Variants in PHACTR2 observed in about 807,000 individuals in gnomAD.
The protein encoded by PHACTR2 is chromosome 6 open reading frame 56.
PHACTR2 carries 30 observed loss-of-function variants against 76.0 expected under a neutral mutation model. The observed-to-expected ratio is 0.39, with a 90% confidence interval of 0.30 to 0.54. The LOEUF is 0.54. Among genes scored for constraint, PHACTR2 ranks in the 20% least tolerant of loss-of-function variants. The pLI is 0.61. For synonymous variants in PHACTR2, 292 were observed against 292.5 expected (o/e 1.00, Z 0.02); for missense variants, 696 against 781.1 (o/e 0.89, Z 1.30).
intron 1 of PHACTR2, among the ~76,000 whole-genome samples, chr6:143,686,548 C>T (rs1777529884): frequency 7.8e-6 from 1 of 128,230 alleles, no homozygotes; most frequent in Admixed American, 9.5e-5. Flanking sequence ...AGTGCAGTGG[C>T]ATGATCTCGG....
Position 143,761,127 on chromosome 6 carries a change from T to G in PHACTR2, c.694+487T>G, listed in dbSNP as rs1582851008. On this transcript the variant is annotated intron_variant, in intron 5 of 12. Coordinates refer to ENST00000440869, the MANE Select transcript of PHACTR2 (RefSeq NM_001100164.2). This position sits in a 1 kb window ranked among gnomAD's most constrained non-coding sequence, Gnocchi z 5.2. ...TCAGCATCCATAGTCATCTCCCTTC[T>G]GATAAATGACAAAGGGTTCATGTCA... 2.0e-5 allele frequency among the ~76,000 whole-genome samples: 3 copies of G among 152,326 alleles called. No individual in the cohort carries two copies. The East Asian group carries it at 5.8e-4, about 29-fold the overall frequency.
Position 143,803,380 on chromosome 6 carries a change from C to T in PHACTR2, c.1846-3677C>T, listed in dbSNP as rs1776004038. ...CTGGCCAACATTGCGAAATCCATCT[C>T]CACAAAAGATACAAAAAATTAGCCA... On this transcript the variant is annotated intron_variant, in intron 11 of 12. Transcript: ENST00000440869. This position sits in a 1 kb window ranked among gnomAD's most constrained non-coding sequence, Gnocchi z 4.7. 6.6e-6 allele frequency among the ~76,000 whole-genome samples: 1 copy of T among 152,014 alleles called. No homozygotes were observed. Among genetic ancestry groups the T allele is most frequent in the South Asian group, 2.1e-4 (1 of 4,812 alleles).
In PHACTR2 at chr6:143,696,334, T is replaced by G. The variant is rs941789506; in HGVS notation, c.47-15682T>G. On this transcript the variant is annotated intron_variant, in intron 1 of 12. Coordinates refer to ENST00000440869, the MANE Select transcript of PHACTR2 (RefSeq NM_001100164.2). This position sits in a 1 kb window ranked among gnomAD's most constrained non-coding sequence, Gnocchi z 4.1. ...GTTTATTTATTTCAGGGGGCATTTT[T>G]GTTTTCCTGGAGACCTCTAGAAGAC... Among the ~76,000 whole-genome samples, 5 of 152,206 alleles carry G rather than the reference T, an allele frequency of 3.3e-5. No homozygotes were observed. The highest frequency in any genetic ancestry group is 1.2e-4 in the African/African-American group (5 of 41,452).
chr6:143,577,002 T>C (rs1775523601), intron 1 of PHACTR2, among the ~76,000 whole-genome samples: 1 of 151,684 alleles, frequency 6.6e-6, no homozygotes, highest in South Asian at 2.1e-4. Flanking sequence ...AGCAACAAAC[T>C]ACTATATCAG....
chr6:143,732,324 A>G (rs1009594447), intron 2 of PHACTR2, among the ~76,000 whole-genome samples: 3 of 152,148 alleles, frequency 2.0e-5, no homozygotes, highest in African/African-American at 7.2e-5. Flanking sequence ...TCTACTTTCT[A>G]TCTCTGCGGG....
Position 143,794,229 on chromosome 6 carries a change from TATATTTTATTTTA to T in PHACTR2, c.1845+5320_1845+5332del. Among the ~76,000 whole-genome samples the T allele has an allele frequency of 6.6e-6, 1 of 151,736 alleles. No individual in the cohort carries two copies. Among genetic ancestry groups the T allele is most frequent in the Non-Finnish European group, 1.5e-5 (1 of 67,914 alleles). On this transcript the variant is annotated intron_variant, in intron 11 of 12. Transcript: ENST00000440869. This position sits in a 1 kb window ranked among gnomAD's most constrained non-coding sequence, Gnocchi z 4.1. ...CCTAAGACTATCAATGGTCTTAGTG[TATATTTTATTTTA>T]GAATGAAAATAACACATGCTAATCA... is the stretch of plus-strand genomic sequence containing the variant.
Position 143,755,487 on chromosome 6 carries a change from AGTT to A in PHACTR2, c.454+1576_454+1578del. The A allele has an allele frequency of 2.6e-6, 1 of 390,028 alleles. No individual in the cohort carries two copies. Among genetic ancestry groups the A allele is most frequent in the Non-Finnish European group, 5.1e-6 (1 of 195,726 alleles). 24.2% of individuals were successfully genotyped at this position (390,028 alleles called of 1,614,324 possible). On this transcript the variant is annotated intron_variant, in intron 4 of 12. Coordinates refer to ENST00000440869, the MANE Select transcript of PHACTR2 (RefSeq NM_001100164.2). This position sits in a 1 kb window ranked among gnomAD's most constrained non-coding sequence, Gnocchi z 5.2. The stretch of plus-strand genomic sequence containing the variant: ...ATCAACATAATAAAAAGTTCCTGAC[AGTT>A]TTATATGAATTAACCAACAGACCTT...
chr6:143,735,514 C>T (rs1206939247), intron 2 of PHACTR2, among the ~76,000 whole-genome samples: 1 of 152,114 alleles, frequency 6.6e-6, no homozygotes, highest in Non-Finnish European at 1.5e-5. Flanking sequence ...AGTATATTCA[C>T]ATCGTTGTGC....
chr6:143,682,121 G>T (rs1352932476), intron 1 of PHACTR2, among the ~76,000 whole-genome samples: 1 of 152,172 alleles, frequency 6.6e-6, no homozygotes, highest in Non-Finnish European at 1.5e-5. Flanking sequence ...TTAGAGTTTT[G>T]ATAGCAATGA....
intron 1 of PHACTR2, among the ~76,000 whole-genome samples, chr6:143,686,317 A>G (rs1777519007): frequency 6.6e-6 from 1 of 152,134 alleles, no homozygotes; most frequent in African/African-American, 2.4e-5. Flanking sequence ...CATGTGGTAG[A>G]ATAAGCCATT....
In PHACTR2 at chr6:143,782,158, G is replaced by A. The variant is rs1009757144; in HGVS notation, c.1646-1061G>A. ...TTTTTTTTAATTGAACCCGGGAAGC[G>A]GAGGTTGCGGTGAGCCAAGATCGCG... On this transcript the variant is annotated intron_variant, in intron 9 of 12. Transcript: ENST00000440869. This position sits in a 1 kb window ranked among gnomAD's most constrained non-coding sequence, Gnocchi z 4.6. Among the ~76,000 whole-genome samples the A allele has an allele frequency of 3.3e-5, 5 of 152,118 alleles. No individual in the cohort carries two copies. Among genetic ancestry groups the A allele is most frequent in the South Asian group, 2.1e-4 (1 of 4,832 alleles).
At chr6:143,622,876 C>A (rs547387169) in intron 1 of PHACTR2, among the ~76,000 whole-genome samples, 4 of 152,118 alleles carry the variant, frequency 2.6e-5, no homozygotes, top group African/African-American at 9.6e-5. Context: ...GGAAGATGTA[C>A]CATATACTTT....
rs1779253019 is a variant in PHACTR2 at position 143,754,324 on chromosome 6, G to T, written c.454+412G>T. ...CATGGAGGAATATCAAAACCCACAT[G>T]GCTTGTTCAGCCCAGCACTGTCTCC... On this transcript the variant is annotated intron_variant, in intron 4 of 12. Coordinates refer to ENST00000440869, the MANE Select transcript of PHACTR2 (RefSeq NM_001100164.2). This position sits in a 1 kb window ranked among gnomAD's most constrained non-coding sequence, Gnocchi z 6.2. Among the ~76,000 whole-genome samples the T allele has an allele frequency of 6.6e-6, 1 of 152,120 alleles. No individual in the cohort carries two copies. The highest frequency in any genetic ancestry group is 1.5e-5 in the Non-Finnish European group (1 of 68,038).
At chr6:143,726,051 G>A (rs1778561566) in intron 2 of PHACTR2, among the ~76,000 whole-genome samples, 1 of 152,168 alleles carries the variant, frequency 6.6e-6, no homozygotes, top group Non-Finnish European at 1.5e-5. Flanking sequence ...TATAAATAAA[G>A]TTGCTATAAA....
chr6:143,788,973 T>C, intron 11 of PHACTR2, 63 bp downstream of exon 11: 2 of 1,466,254 alleles, frequency 1.4e-6, no homozygotes, highest in Non-Finnish European at 1.9e-6. Flanking sequence ...AATATCCACA[T>C]CCCCCCTACT....
At chr6:143,690,956 C>A (rs1777630908) in intron 1 of PHACTR2, among the ~76,000 whole-genome samples, 1 of 152,116 alleles carries the variant, frequency 6.6e-6, no homozygotes, top group South Asian at 2.1e-4. Context: ...CTGATAGGAT[C>A]CTGGGGGTAT....
rs1582738076 is a variant in PHACTR2 at position 143,652,412 on chromosome 6, G to A, written c.13+44090G>A. Reference sequence around the variant, plus strand: ...CTGCTGTTTGTTTGTTTGTTTGTTTGTTTGTTTTTCCCTGTATCTGCTGGA... The same window carrying A: ...CTGCTGTTTGTTTGTTTGTTTGTTTATTTGTTTTTCCCTGTATCTGCTGGA... On this transcript the variant is annotated intron_variant, in intron 1 of 11. Transcript: ENST00000305766. The surrounding 1 kb of genome is among the most constrained non-coding windows in gnomAD (Gnocchi z 4.5). Among the ~76,000 whole-genome samples the A allele has an allele frequency of 6.6e-6, 1 of 150,494 alleles. No individual in the cohort carries two copies. The highest frequency in any genetic ancestry group is 1.9e-4 in the East Asian group (1 of 5,184).
rs949325277 is a variant in PHACTR2, at chr6:143,739,343, G to A, written c.215-9642G>A. 6.6e-6 allele frequency among the ~76,000 whole-genome samples: 1 copy of A among 152,184 alleles called. No individual in the cohort carries two copies. Among genetic ancestry groups the A allele is most frequent in the Non-Finnish European group, 1.5e-5 (1 of 68,032 alleles). On this transcript the variant is annotated intron_variant, in intron 2 of 12. Transcript: ENST00000440869. The surrounding 1 kb of genome is among the most constrained non-coding windows in gnomAD (Gnocchi z 4.3). ...ATCCCAAAGTGCTGGGATTACAGGT[G>A]TGAGCCACCGCACCCGGCTGCGAGA...
In PHACTR2 at chr6:143,664,542, G is replaced by A. The variant is rs182602831; in HGVS notation, c.14-47474G>A. Among the ~76,000 whole-genome samples the A allele has an allele frequency of 1.3e-4, 20 of 151,918 alleles. 1 individual carries two copies. The East Asian group carries it at 3.9e-3, about 29-fold the overall frequency. On this transcript the variant is annotated intron_variant, in intron 1 of 11. Coordinates refer to the PHACTR2 transcript ENST00000305766. The surrounding 1 kb of genome is among the most constrained non-coding windows in gnomAD (Gnocchi z 5.1). ...ATCCCCTTCTTTTGTTTAGTGATTTGGAAGCTTATAGTTATATCTTTCTTA... is the reference window on the plus strand; with the variant it reads ...ATCCCCTTCTTTTGTTTAGTGATTTAGAAGCTTATAGTTATATCTTTCTTA...
Sources: allele counts gnomAD v4.1 joint callset (sites outside exome capture counted in the v4.1 genomes callset), GRCh38; gene constraint gnomAD v4.1.1; non-coding constraint Gnocchi (gnomAD v3.1); transcripts MANE v1.5; gene names NCBI Gene and HGNC (gene_info 2026-07-23, HGNC 2026-07-21).